Variants in CCDC150 observed in about 807,000 individuals in gnomAD.
The protein encoded by CCDC150 is coiled-coil domain containing 150.
Under a neutral mutation model 156.5 loss-of-function variants are expected in CCDC150, and 151 were observed. That is an observed-to-expected ratio of 0.97 (90% CI 0.85 to 1.10). CCDC150 has a LOEUF of 1.10. Among genes scored for constraint, CCDC150 ranks in the 50% least tolerant of loss-of-function variants. CCDC150 has a pLI of 0.00. For missense variants in CCDC150, 1,312 were observed against 1,268.1 expected, an observed-to-expected ratio of 1.03 and a Z score of -0.53; for synonymous variants, 452 against 429.4, an observed-to-expected ratio of 1.05 and a Z score of -0.65.
At chr2:196,696,746 G>A (rs533557889) in intron 14 of CCDC150, among the ~76,000 whole-genome samples, 40 of 152,314 alleles carry the variant, frequency 2.6e-4, no homozygotes, top group African/African-American at 9.6e-4. Flanking sequence ...TTAAATCTTA[G>A]CAATATCATT....
chr2:196,725,758 T>C (rs1341335329), intron 21 of CCDC150, among the ~76,000 whole-genome samples: 3 of 152,238 alleles, frequency 2.0e-5, no homozygotes, highest in Non-Finnish European at 2.9e-5. Flanking sequence ...TTGGATCTCT[T>C]TATGTAGAAT....
chr2:196,676,630 G>A lies in CCDC150; in HGVS notation c.1339G>A (p.Glu447Lys), dbSNP rs746263638. 3.7e-6 allele frequency: 6 copies of A among 1,613,716 alleles called. No individual in the cohort carries two copies. The highest frequency in any genetic ancestry group is 3.3e-5 in the Admixed American group (2 of 59,990). Reference sequence around the variant, plus strand: ...TGAAAAGAGAACAGCTGTGCAAAAAGAGCTGCTAGAATCAACTATTGCAAG... The same window carrying A: ...TGAAAAGAGAACAGCTGTGCAAAAAAAGCTGCTAGAATCAACTATTGCAAG... Reference protein sequence around the residue: ...DAEKRTAVQKELLESTIARLR... With the variant: ...DAEKRTAVQKKLLESTIARLR... The change falls in exon 12 of 28, where the codon GAG becomes AAG. Residue 447 changes from glutamate (E) to lysine (K), a missense_variant. Coordinates refer to ENST00000389175, the MANE Select transcript of CCDC150 (RefSeq NM_001080539.2).
chr2:196,689,476 G>A (rs996680623), intron 13 of CCDC150, among the ~76,000 whole-genome samples: 63 of 151,538 alleles, frequency 4.2e-4, no homozygotes, highest in Non-Finnish European at 6.8e-4. Flanking sequence ...TTGTAAGTTG[G>A]ATTCCTAGGT....
intron 11 of CCDC150, 68 bp downstream of exon 11, chr2:196,676,335 C>A: frequency 6.4e-7 from 1 of 1,554,970 alleles, no homozygotes; most frequent in Admixed American, 1.8e-5. Flanking sequence ...ATCATGTGTC[C>A]GTCTCAGTCT....
intron 14 of CCDC150, among the ~76,000 whole-genome samples, chr2:196,698,733 A>G (rs1474732822): frequency 1.3e-5 from 2 of 152,196 alleles, no homozygotes; most frequent in African/African-American, 2.4e-5. Context: ...GTACATGTGC[A>G]CAACGTGCAA....
chr2:196,662,607 G>A (rs1304309061), intron 5 of CCDC150, among the ~76,000 whole-genome samples: 1 of 152,114 alleles, frequency 6.6e-6, no homozygotes, highest in African/African-American at 2.4e-5. Flanking sequence ...CTGCTGGGTG[G>A]CCTGGTTCCT....
At chr2:196,703,996 T>G (rs1696418852) in intron 15 of CCDC150, among the ~76,000 whole-genome samples, 1 of 152,252 alleles carries the variant, frequency 6.6e-6, no homozygotes, top group Non-Finnish European at 1.5e-5. Flanking sequence ...CCAAAAGCAC[T>G]GACTTCATCA....
intron 1 of CCDC150, among the ~76,000 whole-genome samples, chr2:196,645,092 C>A (rs1214959907): frequency 1.3e-5 from 2 of 152,038 alleles, no homozygotes; most frequent in African/African-American, 4.8e-5. Context: ...CCATTTCAGT[C>A]CAGCTTAGGT....
intron 15 of CCDC150, 128 bp from the exon 16 acceptor site, chr2:196,712,015 ATT>A (rs200886098): frequency 0.033 from 8,743 of 264,304 alleles, no homozygotes; most frequent in Middle Eastern, 0.053. Context: ...ATTCTCTGTA[ATT>A]TTTTTTTTTT....
At chr2:196,672,809 TAA>T (rs1259922000) in intron 9 of CCDC150, among the ~76,000 whole-genome samples, 1 of 152,130 alleles carries the variant, frequency 6.6e-6, no homozygotes, top group African/African-American at 2.4e-5. Context: ...CTATAGTAAA[TAA>T]TTATACAGTA....
At chr2:196,655,720 T>C (rs7588414) in intron 2 of CCDC150, among the ~76,000 whole-genome samples, 117,412 of 152,036 alleles carry the variant, frequency 0.77, 45,559 homozygotes, top group East Asian at 0.97. Context: ...GGGAGATTCT[T>C]ATATGAGACT....
Position 196,676,726 on chromosome 2 carries a change from A to T in CCDC150, c.1435A>T (p.Arg479Trp). The change falls in exon 12 of 28, where the codon AGG becomes TGG. Residue 479 changes from arginine to tryptophan, a missense_variant. Arg to Trp is a moderately radical substitution (Grantham distance 101). Coordinates refer to ENST00000389175, the MANE Select transcript of CCDC150 (RefSeq NM_001080539.2). Reference protein sequence around the residue: ...SLLEEKERFQREVNKTEKEIV... With the variant: ...SLLEEKERFQWEVNKTEKEIV... ...GCTAGAGGAGAAAGAAAGATTTCAG[A>T]GGGAGGTAGGTAGAAGCAAATTTAC... The T allele has an allele frequency of 6.2e-7, 1 of 1,611,940 alleles. No individual in the cohort carries two copies. Among genetic ancestry groups the T allele is most frequent in the Non-Finnish European group, 8.5e-7 (1 of 1,178,532 alleles).
chr2:196,690,377 T>C (rs1695387521), intron 13 of CCDC150, among the ~76,000 whole-genome samples: 1 of 152,098 alleles, frequency 6.6e-6, no homozygotes, highest in Non-Finnish European at 1.5e-5. Context: ...AAACTTAAAG[T>C]ATAATAATAA....
At chr2:196,714,410 C>G (rs1025228931) in intron 17 of CCDC150, among the ~76,000 whole-genome samples, 1 of 152,130 alleles carries the variant, frequency 6.6e-6, no homozygotes, top group East Asian at 1.9e-4. Flanking sequence ...TGCTTGGCTC[C>G]GGGCCAATCC....
Position 196,676,412 on chromosome 2 carries a change from G to A in CCDC150, c.1263-142G>A, listed in dbSNP as rs546748732. ...GCCACAGAGCTAAAATAAAGACTCT[G>A]CCCTCAAGAAACTAGTTTTGTTAGA... On this transcript the variant is annotated intron_variant, in intron 11 of 27. Coordinates refer to ENST00000389175, the MANE Select transcript of CCDC150 (RefSeq NM_001080539.2). The A allele has an allele frequency of 9.2e-6, 12 of 1,309,740 alleles. No homozygotes were observed. In the East Asian group the frequency reaches 2.6e-4, roughly 28 times the overall value. The allele number at this position is 1,309,740 out of a possible 1,614,324, so 81.1% of individuals were successfully genotyped here.
chr2:196,692,895 G>T (rs1695581351), intron 13 of CCDC150, among the ~76,000 whole-genome samples: 1 of 152,090 alleles, frequency 6.6e-6, no homozygotes, highest in African/African-American at 2.4e-5. Flanking sequence ...GTGTCTCCAT[G>T]ATCTAATATT....
At chr2:196,652,753 T>C (rs1692960407) in intron 2 of CCDC150, among the ~76,000 whole-genome samples, 1 of 152,216 alleles carries the variant, frequency 6.6e-6, no homozygotes, top group South Asian at 2.1e-4. Flanking sequence ...CAGAAGCCTG[T>C]TGCAGGAGGA....
chr2:196,718,736 T>A, intron 18 of CCDC150, 105 bp downstream of exon 18: 1 of 1,382,370 alleles, frequency 7.2e-7, no homozygotes, highest in Non-Finnish European at 9.6e-7. Flanking sequence ...GAATAAGGAT[T>A]GATCAGGGGA....
intron 2 of CCDC150, 128 bp from the exon 3 acceptor site, chr2:196,656,505 C>T (rs1693196086): frequency 1.5e-6 from 1 of 658,122 alleles, no homozygotes. Context: ...GAGTCAGAAG[C>T]CTGCCATGTT....
Sources: allele counts gnomAD v4.1 joint callset (sites outside exome capture counted in the v4.1 genomes callset), GRCh38; gene constraint gnomAD v4.1.1; transcripts MANE v1.5; gene names NCBI Gene and HGNC (gene_info 2026-07-23, HGNC 2026-07-21).